Variants in ROBO1 observed in about 807,000 individuals in gnomAD.
ROBO1 encodes the protein roundabout homolog 1.
Under a neutral mutation model 195.9 loss-of-function variants are expected in ROBO1, and 149 were observed. The observed-to-expected ratio is 0.76, with a 90% CI of 0.67 to 0.87. The LOEUF (loss-of-function observed/expected upper bound fraction) is 0.87. Ranked by LOEUF, ROBO1 falls within the 40% of genes least tolerant of loss-of-function variation. The probability of loss-of-function intolerance (pLI) is 0.00; values close to 1 mark genes in which losing one functional copy is unlikely to be tolerated. For synonymous variants in ROBO1, 816 were observed against 733.2 expected, an observed-to-expected ratio of 1.11 and a Z score of -1.82; for missense variants, 1,933 against 2,068.3, an observed-to-expected ratio of 0.93 and a Z score of 1.27.
intron 8 of ROBO1, among the ~76,000 whole-genome samples, chr3:78,714,014 T>C (rs2081834607): frequency 6.6e-6 from 1 of 152,196 alleles, no homozygotes; most frequent in South Asian, 2.1e-4. Context: ...AATGAAAGAC[T>C]TGTTTTCCTC....
intron 5 of ROBO1, among the ~76,000 whole-genome samples, chr3:78,721,895 T>C (rs909210856): frequency 1.3e-5 from 2 of 152,070 alleles, no homozygotes; most frequent in African/African-American, 4.8e-5. Context: ...GTTGAAAGAA[T>C]CTATACAAAT....
In ROBO1 at chr3:78,617,939, C is replaced by T. The variant is rs775159753; in HGVS notation, c.3978G>A (p.Ala1326=). Residue 1326 remains alanine, a synonymous_variant, in exon 27 of 31, where the codon GCG becomes GCA. Coordinates refer to ENST00000464233, the MANE Select transcript of ROBO1 (RefSeq NM_002941.4). ...CGGCTTCGTCTTCTTCCTCTTCTGG[C>T]GCATCCGTATCCATATCTGAGACCA... is the stretch of plus-strand genomic sequence containing the variant. The part of the protein sequence containing the change: ...GPLVSDMDTD[A]PEEEEDEADM... 6.2e-6 allele frequency: 10 copies of T among 1,613,812 alleles called. No individual in the cohort carries two copies. The East Asian group carries it at 8.9e-5, about 14-fold the overall frequency.
chr3:78,960,792 ACACAC>A (rs1560051756), intron 3 of ROBO1, among the ~76,000 whole-genome samples: 106 of 137,090 alleles, frequency 7.7e-4, no homozygotes, highest in African/African-American at 1.9e-3. Flanking sequence ...ACACACACAC[ACACAC>A]ACACACACAC....
intron 2 of ROBO1, among the ~76,000 whole-genome samples, chr3:79,169,999 G>A (rs2081138082): frequency 6.6e-6 from 1 of 152,102 alleles, no homozygotes; most frequent in Non-Finnish European, 1.5e-5. Flanking sequence ...ATCCTAAAAT[G>A]TAAACGTTTA....
At chr3:79,069,775 A>G (rs1314422472) in intron 3 of ROBO1, among the ~76,000 whole-genome samples, 1 of 151,890 alleles carries the variant, frequency 6.6e-6, no homozygotes, top group Non-Finnish European at 1.5e-5. Context: ...CTGACAGGTG[A>G]TCAAAAATCT....
In ROBO1 at chr3:79,564,860, G is replaced by A. The variant is rs1044306454; in HGVS notation, c.88+24964C>T. On this transcript the variant is annotated intron_variant, in intron 2 of 30. Transcript: ENST00000464233. ...TAGCATTGATTACAGAAAGAAGAAT[G>A]TCTTGATAATTTTTCTGAGAACAAG... is the stretch of plus-strand genomic sequence containing the variant. Among the ~76,000 whole-genome samples, 4 of 152,018 alleles carry A rather than the reference G, an allele frequency of 2.6e-5. No individual in the cohort carries two copies. In the East Asian group the frequency reaches 7.7e-4, roughly 29 times the overall value.
chr3:79,535,619 T>C (rs1461994968), intron 2 of ROBO1, among the ~76,000 whole-genome samples: 1 of 152,200 alleles, frequency 6.6e-6, no homozygotes, highest in Non-Finnish European at 1.5e-5. Context: ...ATGATGTCAA[T>C]CCTAACCAAT....
chr3:79,320,039 T>C (rs1450025481), intron 2 of ROBO1, among the ~76,000 whole-genome samples: 2 of 152,308 alleles, frequency 1.3e-5, no homozygotes, highest in Admixed American at 6.5e-5. Flanking sequence ...GAAACATATG[T>C]AATGTCTTAA....
At chr3:79,480,093 AACTGATCTT>A (rs1469802527) in intron 2 of ROBO1, among the ~76,000 whole-genome samples, 3 of 152,192 alleles carry the variant, frequency 2.0e-5, no homozygotes, top group Admixed American at 2.0e-4. Context: ...ACAAAATTAC[AACTGATCTT>A]CATAGTCAGT....
intron 4 of ROBO1, among the ~76,000 whole-genome samples, chr3:78,841,810 A>C (rs1333105229): frequency 6.6e-6 from 1 of 152,194 alleles, no homozygotes; most frequent in African/African-American, 2.4e-5. Flanking sequence ...AAACATGGAA[A>C]AACAGATTTT....
chr3:79,010,670 C>T (rs2077755128), intron 3 of ROBO1, among the ~76,000 whole-genome samples: 1 of 152,020 alleles, frequency 6.6e-6, no homozygotes, highest in Non-Finnish European at 1.5e-5. Context: ...AAGCAATGAG[C>T]TCTTAAGATT....
chr3:79,541,584 T>C (rs1473104552), intron 2 of ROBO1, among the ~76,000 whole-genome samples: 1 of 152,018 alleles, frequency 6.6e-6, no homozygotes, highest in African/African-American at 2.4e-5. Context: ...TGTCAAATTT[T>C]AAAAGTAAAG....
At chr3:78,809,245 T>C (rs1467491732) in intron 4 of ROBO1, among the ~76,000 whole-genome samples, 3 of 151,838 alleles carry the variant, frequency 2.0e-5, no homozygotes, top group Non-Finnish European at 2.9e-5. Flanking sequence ...GAAAAAAAGC[T>C]CATCATCACT....
intron 3 of ROBO1, among the ~76,000 whole-genome samples, chr3:78,996,334 A>C (rs1947153): frequency 0.96 from 143,749 of 149,570 alleles, 69,208 homozygotes; most frequent in East Asian, 1. Context: ...AAACAAAAAA[A>C]AAAAACAAAA....
intron 5 of ROBO1, among the ~76,000 whole-genome samples, chr3:78,723,584 A>T (rs1047926507): frequency 6.6e-6 from 1 of 152,012 alleles, no homozygotes; most frequent in African/African-American, 2.4e-5. Context: ...AATGGAGGCA[A>T]TCACCCTTCC....
At chr3:79,222,389 C>A (rs552101450) in intron 2 of ROBO1, among the ~76,000 whole-genome samples, 5 of 152,114 alleles carry the variant, frequency 3.3e-5, no homozygotes, top group Admixed American at 1.3e-4. Flanking sequence ...AGATTCCCCA[C>A]AATTAGTAAA....
chr3:79,424,381 C>T (rs2038354241), intron 2 of ROBO1, among the ~76,000 whole-genome samples: 1 of 151,820 alleles, frequency 6.6e-6, no homozygotes. Context: ...GCACACATAA[C>T]ATTCAGAAGT....
Position 78,672,575 on chromosome 3 carries a change from A to G in ROBO1, c.1343-2274T>C, listed in dbSNP as rs532162818. Reference sequence around the variant, plus strand: ...AGGCCACCGCACTCCAGCCTGGGTGACAGAGTGAGACCCTGTCTCAAAAAA... The same window carrying G: ...AGGCCACCGCACTCCAGCCTGGGTGGCAGAGTGAGACCCTGTCTCAAAAAA... On this transcript the variant is annotated intron_variant, in intron 10 of 30. Transcript: ENST00000464233. Among the ~76,000 whole-genome samples, 23 of 147,636 alleles carry G rather than the reference A, an allele frequency of 1.6e-4. No homozygotes were observed. In the South Asian group the frequency reaches 4.8e-3, roughly 31 times the overall value.
chr3:79,412,122 T>C (rs2106863126), intron 2 of ROBO1, among the ~76,000 whole-genome samples: 1 of 152,292 alleles, frequency 6.6e-6, no homozygotes, highest in African/African-American at 2.4e-5. Flanking sequence ...TCCTGTCATT[T>C]TATTCAGCAG....
Sources: gnomAD v4.1 joint callset for allele counts (sites outside exome capture counted in the v4.1 genomes callset) on GRCh38, gnomAD v4.1.1 for gene constraint, MANE v1.5 for transcripts, NCBI Gene and HGNC (gene_info 2026-07-23, HGNC 2026-07-21) for gene names.